Variants in ANXA4 observed in about 807,000 individuals in gnomAD.
ANXA4 encodes the protein 35-beta calcimedin.
A neutral mutation model predicts 49.8 loss-of-function variants in ANXA4; 39 were observed. The ratio of observed to expected loss-of-function variants is 0.78; its 90% CI spans 0.61 to 1.02. ANXA4 has a LOEUF of 1.02. Among genes scored for constraint, ANXA4 ranks in the 50% least tolerant of loss-of-function variants. The pLI is 0.00. For synonymous variants in ANXA4, 134 were observed against 152.5 expected (o/e 0.88, Z 0.89); for missense variants, 360 against 410.1 (o/e 0.88, Z 1.05).
chr2:69,808,498 C>G (rs1262251748), intron 6 of ANXA4: 1 of 156,640 alleles, frequency 6.4e-6, no homozygotes, highest in Non-Finnish European at 1.4e-5. Flanking sequence ...AAGAATATAA[C>G]TAAAAATGCA....
chr2:69,651,649 C>A (rs1676239570), intron 1 of ANXA4, among the ~76,000 whole-genome samples: 1 of 151,318 alleles, frequency 6.6e-6, no homozygotes, highest in African/African-American at 2.4e-5. Flanking sequence ...ACTACAGGCT[C>A]CCACCACCAC....
chr2:69,772,251 C>T (rs1310219077), intron 1 of ANXA4, among the ~76,000 whole-genome samples: 1 of 152,232 alleles, frequency 6.6e-6, no homozygotes, highest in Non-Finnish European at 1.5e-5. Context: ...AGCTTTTAAA[C>T]CCCCAACACA....
At chr2:69,710,674 A>G (rs893575304) in intron 2 of ANXA4, among the ~76,000 whole-genome samples, 1 of 152,254 alleles carries the variant, frequency 6.6e-6, no homozygotes, top group African/African-American at 2.4e-5. Context: ...TTACCAAAGA[A>G]GATCTACTTA....
Position 69,764,470 on chromosome 2 carries a change from T to A in ANXA4, c.-46-17050T>A, listed in dbSNP as rs183308840. On this transcript the variant is annotated intron_variant, in intron 1 of 12. Transcript: ENST00000394295. ...CAAAAGCCACATGGATTCCACTGGT[T>A]TGGACTTTGCCTTAGAGTGGGCGTT... Among the ~76,000 whole-genome samples the A allele has an allele frequency of 3.3e-5, 5 of 152,318 alleles. No homozygotes were observed. The East Asian group carries it at 7.7e-4, about 23-fold the overall frequency.
At chr2:69,792,670 A>G (rs1672742405) in intron 3 of ANXA4, among the ~76,000 whole-genome samples, 1 of 152,158 alleles carries the variant, frequency 6.6e-6, no homozygotes, top group Non-Finnish European at 1.5e-5. Context: ...TCTAAGCAAA[A>G]TATACATTTC....
At chr2:69,710,281 G>C (rs1003450020) in intron 2 of ANXA4, among the ~76,000 whole-genome samples, 1 of 151,608 alleles carries the variant, frequency 6.6e-6, no homozygotes, top group African/African-American at 2.4e-5. Flanking sequence ...CACCATGCCC[G>C]GCCCACTTCC....
chr2:69,696,432 C>G (rs1678162070), intron 2 of ANXA4, among the ~76,000 whole-genome samples: 1 of 152,230 alleles, frequency 6.6e-6, no homozygotes, highest in Non-Finnish European at 1.5e-5. Flanking sequence ...TCTGCAGTGA[C>G]TTGCTCCATT....
At chr2:69,712,386 A>G (rs568413076) in intron 2 of ANXA4, among the ~76,000 whole-genome samples, 1 of 152,224 alleles carries the variant, frequency 6.6e-6, no homozygotes, top group Admixed American at 6.5e-5. Context: ...CGGGTTATTC[A>G]CTCCGAGTCT....
chr2:69,754,288 C>G lies in ANXA4; in HGVS notation c.-47+12113C>G, dbSNP rs573743648. Reference sequence around the variant, plus strand: ...GGTCATGATTGGCGATCTATACTTACGAAATGCCCATGGTGTGGTTTGGGG... The same window carrying G: ...GGTCATGATTGGCGATCTATACTTAGGAAATGCCCATGGTGTGGTTTGGGG... On this transcript the variant is annotated intron_variant, in intron 1 of 12. Transcript: ENST00000394295. Among the ~76,000 whole-genome samples, 3 of 152,284 alleles carry G rather than the reference C, an allele frequency of 2.0e-5. No homozygotes were observed. In the East Asian group the frequency reaches 5.8e-4, roughly 29 times the overall value.
At chr2:69,781,673 C>A in intron 2 of ANXA4, 99 bp downstream of exon 2, 1 of 1,377,346 alleles carries the variant, frequency 7.3e-7, no homozygotes, top group Non-Finnish European at 1.0e-6. Context: ...ATTGTTTACT[C>A]AACAGAGGGG....
chr2:69,712,132 A>G (rs981080883), intron 2 of ANXA4, among the ~76,000 whole-genome samples: 5 of 152,048 alleles, frequency 3.3e-5, no homozygotes, highest in African/African-American at 1.2e-4. Flanking sequence ...CAGACCACAC[A>G]CATACATACA....
At chr2:69,772,942 G>A (rs1009710277) in intron 1 of ANXA4, among the ~76,000 whole-genome samples, 8 of 151,884 alleles carry the variant, frequency 5.3e-5, no homozygotes, top group African/African-American at 1.2e-4. Context: ...ACTTGAACCC[G>A]GGAGGCGGAG....
chr2:69,743,354 A>G (rs1670478351), intron 1 of ANXA4, among the ~76,000 whole-genome samples: 1 of 152,078 alleles, frequency 6.6e-6, no homozygotes, highest in Non-Finnish European at 1.5e-5. Flanking sequence ...AGTAGCTGGG[A>G]CTACAGGCGT....
intron 7 of ANXA4, 132 bp from the exon 8 acceptor site, chr2:69,812,521 T>C (rs998862545): frequency 2.9e-6 from 2 of 689,078 alleles, no homozygotes; most frequent in African/African-American, 3.6e-5. Context: ...ACGTCTGTCC[T>C]CCCTCCCTGG....
chr2:69,649,642 C>T (rs189533886), intron 1 of ANXA4, among the ~76,000 whole-genome samples: 2 of 126,666 alleles, frequency 1.6e-5, no homozygotes, highest in East Asian at 2.3e-4. Context: ...GACAGTGTCT[C>T]GCCCTACCGC....
intron 1 of ANXA4, among the ~76,000 whole-genome samples, chr2:69,753,021 G>T (rs1003866414): frequency 1.3e-5 from 2 of 152,152 alleles, no homozygotes; most frequent in Non-Finnish European, 2.9e-5. Flanking sequence ...AGTCACGTGA[G>T]AGCTCTTTTA....
At chr2:69,805,735 A>G (rs35667002) in intron 4 of ANXA4, among the ~76,000 whole-genome samples, 35,036 of 152,178 alleles carry the variant, frequency 0.23, 4,438 homozygotes, top group East Asian at 0.39. Context: ...ATACATTTAC[A>G]TCGGTGTCTA....
chr2:69,768,474 T>C (rs12993700), intron 1 of ANXA4, among the ~76,000 whole-genome samples: 43,061 of 152,080 alleles, frequency 0.28, 6,724 homozygotes, highest in East Asian at 0.53. Context: ...ACGTCATCTC[T>C]GTAGCTTCCA....
chr2:69,731,449 T>G (rs1332132874), intron 3 of ANXA4, among the ~76,000 whole-genome samples: 8 of 152,230 alleles, frequency 5.3e-5, no homozygotes, highest in Non-Finnish European at 7.3e-5. Context: ...TATTTGCAGC[T>G]GCTTTGTTTT....
Sources: allele counts gnomAD v4.1 joint callset (sites outside exome capture counted in the v4.1 genomes callset), GRCh38; gene constraint gnomAD v4.1.1; transcripts MANE v1.5; gene names NCBI Gene and HGNC (gene_info 2026-07-23, HGNC 2026-07-21).